MACROD2: variants seen among roughly 807,000 people sequenced by gnomAD.
MACROD2 encodes the protein ADP-ribose glycohydrolase MACROD2.
A neutral mutation model predicts 70.4 loss-of-function variants in MACROD2; 36 were observed. The observed-to-expected ratio is 0.51, with a 90% CI of 0.39 to 0.68. The LOEUF is 0.68. MACROD2 is among the 30% of genes least tolerant of loss of function. MACROD2 has a pLI of 0.00. For missense variants in MACROD2, 496 were observed against 538.4 expected (o/e 0.92, Z 0.78); for synonymous variants, 172 against 178.8 (o/e 0.96, Z 0.30).
chr20:14,898,611 A>C (rs970513608), intron 5 of MACROD2, among the ~76,000 whole-genome samples: 2 of 152,118 alleles, frequency 1.3e-5, no homozygotes, highest in Non-Finnish European at 1.5e-5. Context: ...AAAATACAAA[A>C]ATTAGCTGGG....
intron 5 of MACROD2, among the ~76,000 whole-genome samples, chr20:14,992,313 C>T (rs936894301): frequency 6.6e-6 from 1 of 152,194 alleles, no homozygotes; most frequent in Non-Finnish European, 1.5e-5. Flanking sequence ...GTGTCTCTAT[C>T]TGTAGAATGT....
intron 5 of MACROD2, among the ~76,000 whole-genome samples, chr20:15,170,751 A>G (rs2076416835): frequency 6.6e-6 from 1 of 152,224 alleles, no homozygotes; most frequent in South Asian, 2.1e-4. Context: ...CCCAAAGAAC[A>G]GTGTTTTCAG....
chr20:15,220,091 G>T (rs2076845961), intron 5 of MACROD2, among the ~76,000 whole-genome samples: 1 of 150,998 alleles, frequency 6.6e-6, no homozygotes, highest in African/African-American at 2.4e-5. Context: ...CTTCCATAGT[G>T]CAGTCATTAG....
chr20:14,477,865 A>C (rs560935445), intron 3 of MACROD2, among the ~76,000 whole-genome samples: 16 of 152,262 alleles, frequency 1.1e-4, no homozygotes, highest in African/African-American at 3.4e-4. Context: ...TGGAATTGAA[A>C]ACTAAAACTA....
chr20:14,862,204 T>TAA, intron 5 of MACROD2, among the ~76,000 whole-genome samples: 1 of 13,612 alleles, frequency 7.3e-5, no homozygotes, highest in Non-Finnish European at 1.3e-4. Context: ...CATAAATATA[T>TAA]AAATATATAT....
At chr20:15,616,223 C>T (rs1390739370) in intron 8 of MACROD2, among the ~76,000 whole-genome samples, 2 of 151,506 alleles carry the variant, frequency 1.3e-5, no homozygotes, top group Non-Finnish European at 2.9e-5. Flanking sequence ...CGTGCCTCAG[C>T]CTCCCTAGTA....
In MACROD2 at chr20:15,453,960, G is replaced by A. The variant is rs150437575; in HGVS notation, c.571+22525G>A. Among the ~76,000 whole-genome samples, 573 of 152,238 alleles carry A rather than the reference G, an allele frequency of 3.8e-3. 5 individuals are homozygous for A. Among genetic ancestry groups the A allele is most frequent in the African/African-American group, 0.013 (527 of 41,544 alleles). On this transcript the variant is annotated intron_variant, in intron 7 of 17. Coordinates refer to ENST00000684519, the MANE Select transcript of MACROD2 (RefSeq NM_001351661.2). ...GTGGATATTAGACCCAAAGCCATGG[G>A]CTTTTTAACATTGGCCTGTGTCTCC...
intron 7 of MACROD2, among the ~76,000 whole-genome samples, chr20:15,482,557 G>A (rs949675633): frequency 9.2e-5 from 14 of 152,138 alleles, no homozygotes; most frequent in African/African-American, 3.4e-4. Flanking sequence ...CCCTTCAAAG[G>A]GGGTAAACTC....
At chr20:15,766,965 C>A (rs17626441) in intron 8 of MACROD2, among the ~76,000 whole-genome samples, 18,607 of 152,184 alleles carry the variant, frequency 0.12, 1,302 homozygotes, top group Middle Eastern at 0.28. Context: ...TGTCTCTGAT[C>A]GTGTAAGATT....
chr20:15,152,606 T>C (rs906006483), intron 5 of MACROD2, among the ~76,000 whole-genome samples: 1 of 150,112 alleles, frequency 6.7e-6, no homozygotes, highest in Non-Finnish European at 1.5e-5. Context: ...GTTGAGGGGT[T>C]CTTGCCTCTC....
intron 3 of MACROD2, among the ~76,000 whole-genome samples, chr20:14,392,984 C>T (rs543734516): frequency 6.6e-6 from 1 of 152,236 alleles, no homozygotes; most frequent in East Asian, 1.9e-4. Flanking sequence ...ATACTAAAGG[C>T]TTCACTGACA....
intron 5 of MACROD2, among the ~76,000 whole-genome samples, chr20:14,739,807 A>G (rs1390674070): frequency 2.0e-5 from 3 of 152,068 alleles, no homozygotes; most frequent in Non-Finnish European, 4.4e-5. Flanking sequence ...ATATATTCAC[A>G]TAATAAAAGA....
chr20:15,459,683 G>T lies in MACROD2; in HGVS notation c.571+28248G>T, dbSNP rs181807149. 4.4e-3 allele frequency among the ~76,000 whole-genome samples: 668 copies of T among 152,214 alleles called. 1 individual carries two copies. Among genetic ancestry groups the T allele is most frequent in the Non-Finnish European group, 7.7e-3 (521 of 68,014 alleles). On this transcript the variant is annotated intron_variant, in intron 7 of 17. Coordinates refer to ENST00000684519, the MANE Select transcript of MACROD2 (RefSeq NM_001351661.2). The stretch of plus-strand genomic sequence containing the variant: ...AGTAGGGGTCTTCTGAGTTCAAAAG[G>T]CTTCTTGCTCCTTTTCTAGACAGTT...
At position 15,379,236 on chromosome 20, in the gene MACROD2, T is replaced by C. The variant is rs1331892198; in HGVS notation, c.541-52169T>C. On this transcript the variant is annotated intron_variant, in intron 6 of 17. Transcript: ENST00000684519. ...CAACACCTAAAGTTTAGGAAGTGGA[T>C]AGCATCTTCTCATGAGATGGATAGC... Among the ~76,000 whole-genome samples the C allele has an allele frequency of 5.9e-5, 9 of 152,294 alleles. No individual in the cohort carries two copies. In the East Asian group the frequency reaches 1.7e-3, roughly 29 times the overall value.
At chr20:15,093,437 C>T (rs2075806683) in intron 5 of MACROD2, among the ~76,000 whole-genome samples, 1 of 151,926 alleles carries the variant, frequency 6.6e-6, no homozygotes, top group South Asian at 2.1e-4. Context: ...TTCTTTGCTC[C>T]AATGTTTAAA....
chr20:15,597,720 T>C (rs1336546210), intron 8 of MACROD2, among the ~76,000 whole-genome samples: 1 of 152,242 alleles, frequency 6.6e-6, no homozygotes, highest in Admixed American at 6.5e-5. Flanking sequence ...TTTTCTGTTC[T>C]CTGCCCTCTG....
chr20:15,545,312 A>G (rs2048012192), intron 8 of MACROD2, among the ~76,000 whole-genome samples: 1 of 152,212 alleles, frequency 6.6e-6, no homozygotes, highest in Non-Finnish European at 1.5e-5. Flanking sequence ...CTGCAGGCAA[A>G]ATATTAAGCT....
rs57269509 is a variant in MACROD2 at position 14,366,371 on chromosome 20, C to CTT, written c.272-127094_272-127093dup. ...ATAGTGTCCTTTTTGTAACTTGTAA[C>CTT]TTTTTTTTTTTTTTTGAGACTGAGT... On this transcript the variant is annotated intron_variant, in intron 3 of 17. Coordinates refer to ENST00000684519, the MANE Select transcript of MACROD2 (RefSeq NM_001351661.2). Among the ~76,000 whole-genome samples, 270 of 137,836 alleles carry CTT rather than the reference C, an allele frequency of 2.0e-3. 3 individuals are homozygous for CTT. Among genetic ancestry groups the CTT allele is most frequent in the Admixed American group, 4.3e-3 (59 of 13,740 alleles). 90.4% of individuals were successfully genotyped at this position (137,836 alleles called of 152,430 possible). A position where few individuals can be genotyped will look rare whatever the true frequency, so the allele number is the denominator to read the frequency against.
At chr20:15,071,918 A>G (rs2075621842) in intron 5 of MACROD2, among the ~76,000 whole-genome samples, 3 of 152,046 alleles carry the variant, frequency 2.0e-5, no homozygotes, top group African/African-American at 7.2e-5. Flanking sequence ...TATTATTGTG[A>G]TTCTCATTCC....
Sources: gnomAD v4.1 joint callset for allele counts (sites outside exome capture counted in the v4.1 genomes callset) on GRCh38, gnomAD v4.1.1 for gene constraint, MANE v1.5 for transcripts, NCBI Gene and HGNC (gene_info 2026-07-23, HGNC 2026-07-21) for gene names.